SYTL3: variants seen among roughly 807,000 people sequenced by gnomAD.
SYTL3 encodes the protein synaptotagmin-like protein 3.
In SYTL3, 88 loss-of-function variants were observed where a neutral mutation model predicts 82.1. The observed-to-expected ratio is 1.07, with a 90% CI of 0.90 to 1.28. The LOEUF (loss-of-function observed/expected upper bound fraction) is 1.28. Ranked by LOEUF, SYTL3 falls within the 50% of genes most tolerant of loss-of-function variation. The pLI, the probability that SYTL3 is intolerant of heterozygous loss-of-function variation, is 0.00. For missense variants in SYTL3, 831 were observed against 757.6 expected (o/e 1.10, Z -1.14); for synonymous variants, 311 against 289.4 (o/e 1.07, Z -0.76).
chr6:158,723,811 A>C (rs2128478033), intron 10 of SYTL3, among the ~76,000 whole-genome samples: 1 of 152,238 alleles, frequency 6.6e-6, no homozygotes, highest in East Asian at 1.9e-4. Flanking sequence ...TGGCTTTTCC[A>C]GCCTCTGGCT....
At chr6:158,667,116 A>G (rs1790168802) in intron 5 of SYTL3, among the ~76,000 whole-genome samples, 1 of 152,204 alleles carries the variant, frequency 6.6e-6, no homozygotes, top group South Asian at 2.1e-4. Flanking sequence ...AATAATAAAC[A>G]TTGCTGGGCA....
chr6:158,731,891 C>G (rs1170837899), intron 11 of SYTL3, among the ~76,000 whole-genome samples: 1 of 152,184 alleles, frequency 6.6e-6, no homozygotes, highest in African/African-American at 2.4e-5. Context: ...CCGTGCCTGG[C>G]CAACATAACT....
At chr6:158,661,879 A>G (rs1789417899) in intron 3 of SYTL3, among the ~76,000 whole-genome samples, 1 of 152,216 alleles carries the variant, frequency 6.6e-6, no homozygotes, top group Non-Finnish European at 1.5e-5. Flanking sequence ...AGATCTTAAT[A>G]TTTCATGCAT....
chr6:158,713,810 T>G lies in SYTL3; in HGVS notation c.527T>G (p.Phe176Cys). 1 of 1,548,372 alleles carries G rather than the reference T, an allele frequency of 6.5e-7. No homozygotes were observed. Residue 176 changes from phenylalanine to cysteine, a missense_variant, in exon 9 of 18, where the codon TTT (phenylalanine) becomes TGT (cysteine). Coordinates refer to ENST00000611299, the MANE Select transcript of SYTL3 (RefSeq NM_001242394.2). ...CTGTCTCTGTTTTAGTTACAGGAAT[T>G]TGGTCAGTTTAGAGGATTTAATAAG... ...CSRSPGRLQE[F>C]GQFRGFNKSV...
At chr6:158,683,174 T>C (rs1172091107) in intron 6 of SYTL3, among the ~76,000 whole-genome samples, 185 bp downstream of exon 6, 3 of 151,722 alleles carry the variant, frequency 2.0e-5, no homozygotes, top group Admixed American at 6.6e-5. Context: ...CTCGCTACTC[T>C]TCCCTCTGCT....
At chr6:158,748,768 C>T (rs951431010) in intron 12 of SYTL3, among the ~76,000 whole-genome samples, 11 of 150,902 alleles carry the variant, frequency 7.3e-5, no homozygotes, top group Non-Finnish European at 1.3e-4. Flanking sequence ...TCCCTTGAAC[C>T]AGGGAGGTAG....
At chr6:158,737,052 A>C (rs926439800) in intron 11 of SYTL3, among the ~76,000 whole-genome samples, 1 of 151,182 alleles carries the variant, frequency 6.6e-6, no homozygotes, top group Non-Finnish European at 1.5e-5. Flanking sequence ...AAAAAAAAAA[A>C]ACAACGAAAA....
chr6:158,733,476 G>A (rs749396901), intron 11 of SYTL3, among the ~76,000 whole-genome samples: 2 of 152,026 alleles, frequency 1.3e-5, no homozygotes, highest in East Asian at 1.9e-4. Flanking sequence ...ACAGGTGCCC[G>A]CCACCACGCC....
chr6:158,752,714 C>T (rs965984093), intron 13 of SYTL3, among the ~76,000 whole-genome samples: 3 of 152,174 alleles, frequency 2.0e-5, no homozygotes, highest in Non-Finnish European at 4.4e-5. Flanking sequence ...CAGAGGCTAC[C>T]CTGCCGGGGC....
intron 5 of SYTL3, among the ~76,000 whole-genome samples, chr6:158,667,468 C>T (rs979049615): frequency 2.2e-4 from 33 of 152,298 alleles, no homozygotes; most frequent in Admixed American, 1.0e-3. Context: ...GCTCCCTGTC[C>T]CCGCAGCCCT....
intron 6 of SYTL3, among the ~76,000 whole-genome samples, chr6:158,692,340 A>G (rs1225296771): frequency 2.1e-5 from 3 of 145,338 alleles, no homozygotes; most frequent in African/African-American, 2.5e-5. Context: ...CTTTCACTGT[A>G]TTTCTAATAG....
intron 11 of SYTL3, among the ~76,000 whole-genome samples, chr6:158,744,348 C>T (rs189568587): frequency 6.9e-6 from 1 of 144,104 alleles, no homozygotes; most frequent in East Asian, 2.0e-4. Flanking sequence ...GCTCAGTCGC[C>T]CAGACTGGAG....
chr6:158,660,267 A>AAAC (rs201697599), intron 2 of SYTL3, among the ~76,000 whole-genome samples: 2 of 152,140 alleles, frequency 1.3e-5, no homozygotes, highest in African/African-American at 2.4e-5. Context: ...TCCGTCTCAA[A>AAAC]AACAACAACA....
intron 6 of SYTL3, among the ~76,000 whole-genome samples, chr6:158,703,056 A>G (rs1244225720): frequency 1.3e-5 from 2 of 149,832 alleles, no homozygotes; most frequent in Non-Finnish European, 3.0e-5. Context: ...TGGGAGGCTG[A>G]GGCAGGAGAA....
At chr6:158,745,813 A>G (rs1424279377) in intron 12 of SYTL3, among the ~76,000 whole-genome samples, 155 bp downstream of exon 12, 3 of 152,184 alleles carry the variant, frequency 2.0e-5, no homozygotes, top group Non-Finnish European at 2.9e-5. Context: ...AGCAATGCAA[A>G]CAATGTGTTA....
At chr6:158,732,849 A>G (rs921478510) in intron 11 of SYTL3, among the ~76,000 whole-genome samples, 6 of 151,966 alleles carry the variant, frequency 3.9e-5, no homozygotes, top group Non-Finnish European at 7.4e-5. Flanking sequence ...CTGTAGTTCA[A>G]TTGGCTATCC....
intron 6 of SYTL3, among the ~76,000 whole-genome samples, chr6:158,690,999 CT>C (rs1395759181): frequency 1.3e-5 from 2 of 152,122 alleles, no homozygotes; most frequent in Non-Finnish European, 2.9e-5. Flanking sequence ...CAAATTCAAC[CT>C]TCCTGGCCTC....
chr6:158,683,098 G>T, intron 6 of SYTL3, 109 bp downstream of exon 6: 4 of 755,592 alleles, frequency 5.3e-6, no homozygotes, highest in Non-Finnish European at 9.0e-6. Context: ...TAGTCTGCGG[G>T]CCCCTATGTC....
chr6:158,656,454 G>T (rs1041151512), intron 2 of SYTL3, among the ~76,000 whole-genome samples: 1 of 152,188 alleles, frequency 6.6e-6, no homozygotes, highest in Non-Finnish European at 1.5e-5. Flanking sequence ...GGCCGGGTGC[G>T]ATGGCTCACG....
Sources: allele counts gnomAD v4.1 joint callset (sites outside exome capture counted in the v4.1 genomes callset), GRCh38; gene constraint gnomAD v4.1.1; transcripts MANE v1.5; gene names NCBI Gene and HGNC (gene_info 2026-07-23, HGNC 2026-07-21).